EPB41: variants seen among roughly 807,000 people sequenced by gnomAD.
The protein encoded by EPB41 is erythrocyte membrane protein band 4.1.
Under a neutral mutation model 108.0 loss-of-function variants are expected in EPB41, and 65 were observed. The ratio of observed to expected loss-of-function variants is 0.60; its 90% CI spans 0.49 to 0.74. EPB41 has a LOEUF of 0.74. Among genes scored for constraint, EPB41 ranks in the 30% least tolerant of loss-of-function variants. The pLI is 0.00. For synonymous variants in EPB41, 336 were observed against 358.9 expected, an observed-to-expected ratio of 0.94 and a Z score of 0.72; for missense variants, 875 against 1,037.0, an observed-to-expected ratio of 0.84 and a Z score of 2.15.
chr1:28,919,769 A>G (rs1185269357), intron 1 of EPB41, among the ~76,000 whole-genome samples: 1 of 152,174 alleles, frequency 6.6e-6, no homozygotes, highest in East Asian at 1.9e-4. Context: ...AGTCCTTTCT[A>G]TATAGAAATT....
chr1:28,932,567 T>C (rs1308267403), intron 1 of EPB41, among the ~76,000 whole-genome samples: 1 of 151,944 alleles, frequency 6.6e-6, no homozygotes, highest in Non-Finnish European at 1.5e-5. Flanking sequence ...AATGTGGAGA[T>C]GAAAAACAGG....
chr1:28,975,910 C>T (rs1239674207), intron 1 of EPB41, among the ~76,000 whole-genome samples: 2 of 133,232 alleles, frequency 1.5e-5, no homozygotes, highest in African/African-American at 2.9e-5. Context: ...CACTGCACTC[C>T]AGCCTGGGTG....
intron 11 of EPB41, chr1:29,041,502 A>G (rs536361637): frequency 1.3e-5 from 2 of 152,326 alleles, no homozygotes; most frequent in Non-Finnish European, 1.5e-5. Flanking sequence ...AGTAAAAGAT[A>G]TAAGTTCAGA....
intron 16 of EPB41, among the ~76,000 whole-genome samples, chr1:29,074,373 G>T (rs1335208549): frequency 1.3e-5 from 2 of 152,014 alleles, no homozygotes; most frequent in African/African-American, 2.4e-5. Context: ...TACACCGTTT[G>T]TAATATTGGT....
chr1:28,900,520 T>C (rs1465714383), intron 1 of EPB41, among the ~76,000 whole-genome samples: 3 of 152,052 alleles, frequency 2.0e-5, no homozygotes, highest in African/African-American at 7.2e-5. Context: ...ACTCCTGACC[T>C]CAAGTGATCT....
chr1:28,944,534 GTTTTTTTTTTT>G (rs55849161), intron 1 of EPB41, among the ~76,000 whole-genome samples: 17,934 of 97,984 alleles, frequency 0.18, 1,500 homozygotes, highest in East Asian at 0.47. Flanking sequence ...CTCAGATCTG[GTTTTTTTTTTT>G]TTTTTTTTTT....
intron 1 of EPB41, among the ~76,000 whole-genome samples, chr1:28,903,652 A>C (rs2091510042): frequency 6.6e-6 from 1 of 151,920 alleles, no homozygotes; most frequent in Non-Finnish European, 1.5e-5. Flanking sequence ...GTACAATGGA[A>C]ATTATAGTCA....
At chr1:29,074,529 T>C (rs1263268462) in intron 16 of EPB41, among the ~76,000 whole-genome samples, 1 of 152,154 alleles carries the variant, frequency 6.6e-6, no homozygotes, top group African/African-American at 2.4e-5. Flanking sequence ...GTATCTCCTT[T>C]TACTGTAGCA....
rs559583962 is a variant in EPB41 at position 28,930,337 on chromosome 1, A to T, written c.-8+15569A>T. Among the ~76,000 whole-genome samples the T allele has an allele frequency of 9.6e-4, 139 of 144,684 alleles. 2 individuals carry two copies. In the South Asian group the frequency reaches 0.017, roughly 18 times the overall value. The allele number at this position is 144,684 out of a possible 152,430, so 94.9% of individuals were successfully genotyped here. A position where few individuals can be genotyped will look rare whatever the true frequency, so the allele number is the denominator to read the frequency against. ...ACACCAGCTAATTAAAAAAAAAAAA[A>T]TTTTTTTTTTTATAGAAACGGGGTC... On this transcript the variant is annotated intron_variant, in intron 1 of 20. Transcript: ENST00000343067.
intron 11 of EPB41, among the ~76,000 whole-genome samples, chr1:29,046,014 A>G (rs1643078939): frequency 6.6e-6 from 1 of 151,958 alleles, no homozygotes; most frequent in African/African-American, 2.4e-5. Flanking sequence ...AATAAATGGT[A>G]TCCTAAATTT....
intron 16 of EPB41, among the ~76,000 whole-genome samples, chr1:29,076,089 TA>T (rs1195547526): frequency 2.0e-5 from 3 of 152,258 alleles, no homozygotes; most frequent in Non-Finnish European, 4.4e-5. Flanking sequence ...AAGAATTTTC[TA>T]TCTTTTTCCA....
chr1:28,969,472 CTG>C (rs933397263), intron 1 of EPB41, among the ~76,000 whole-genome samples: 2 of 151,716 alleles, frequency 1.3e-5, no homozygotes, highest in Admixed American at 6.6e-5. Context: ...AGCATAAAAA[CTG>C]TGTGAAATTA....
At chr1:28,892,797 C>CTT (rs995428093) in intron 1 of EPB41, among the ~76,000 whole-genome samples, 2,074 of 87,094 alleles carry the variant, frequency 0.024, 67 homozygotes, top group African/African-American at 0.045. Flanking sequence ...TTCCCAGGTT[C>CTT]TTTTTTTTTT....
intron 7 of EPB41, among the ~76,000 whole-genome samples, chr1:29,022,608 C>G (rs1051114438): frequency 2.6e-5 from 4 of 151,846 alleles, no homozygotes; most frequent in African/African-American, 9.7e-5. Flanking sequence ...GTAATCCCAG[C>G]TACTTGGGAG....
intron 1 of EPB41, among the ~76,000 whole-genome samples, chr1:28,947,693 G>C (rs1456489072): frequency 6.6e-6 from 1 of 151,970 alleles, no homozygotes; most frequent in East Asian, 1.9e-4. Context: ...GGGTGTGGCG[G>C]CACATCCTGT....
At chr1:29,099,356 A>C (rs1051086342) in intron 17 of EPB41, among the ~76,000 whole-genome samples, 5 of 151,172 alleles carry the variant, frequency 3.3e-5, no homozygotes, top group Admixed American at 6.6e-5. Flanking sequence ...AAAGGGTCTC[A>C]CTCTGTTGCC....
intron 1 of EPB41, among the ~76,000 whole-genome samples, chr1:28,941,033 C>T (rs149914): frequency 0.12 from 18,696 of 151,924 alleles, 1,590 homozygotes; most frequent in African/African-American, 0.25. Context: ...GAACATATTT[C>T]ACAGTATTAA....
intron 1 of EPB41, among the ~76,000 whole-genome samples, chr1:28,942,316 A>G (rs1462222723): frequency 6.6e-6 from 1 of 152,204 alleles, no homozygotes; most frequent in Non-Finnish European, 1.5e-5. Flanking sequence ...ACTGTCTCTC[A>G]TATCAGATGC....
intron 1 of EPB41, among the ~76,000 whole-genome samples, chr1:28,906,169 T>C (rs187536815): frequency 6.6e-6 from 1 of 152,284 alleles, no homozygotes; most frequent in African/African-American, 2.4e-5. Context: ...ACCGGAAGTC[T>C]TGGAAACTGA....
Sources: allele counts gnomAD v4.1 joint callset (sites outside exome capture counted in the v4.1 genomes callset), GRCh38; gene constraint gnomAD v4.1.1; transcripts MANE v1.5; gene names NCBI Gene and HGNC (gene_info 2026-07-23, HGNC 2026-07-21).